The following ACACB variants were observed in gnomAD, a reference collection of about 807,000 sequenced individuals.
ACACB encodes acetyl-CoA carboxylase beta.
Under a neutral mutation model 278.8 loss-of-function variants are expected in ACACB, and 209 were observed. That is an observed-to-expected ratio of 0.75 (90% CI 0.67 to 0.84). The LOEUF is 0.84. ACACB is among the 40% of genes least tolerant of loss of function. ACACB has a pLI of 0.00. For synonymous variants in ACACB, 1,174 were observed against 1,285.6 expected, an observed-to-expected ratio of 0.91 and a Z score of 1.86; for missense variants, 2,850 against 3,269.0, an observed-to-expected ratio of 0.87 and a Z score of 3.13.
At chr12:109,214,129 G>A (rs1225565160) in intron 22 of ACACB, among the ~76,000 whole-genome samples, 3 of 152,028 alleles carry the variant, frequency 2.0e-5, no homozygotes, top group East Asian at 1.9e-4. Context: ...GGGGATGGTG[G>A]TGTGTACCTA....
Position 109,185,641 on chromosome 12 carries a change from A to G in ACACB, c.1881A>G (p.Pro627=), listed in dbSNP as rs1258772566. 1.9e-6 allele frequency: 3 copies of G among 1,613,850 alleles called. No homozygotes were observed. Among genetic ancestry groups the G allele is most frequent in the African/African-American group, 1.3e-5 (1 of 75,000 alleles). ...TCCGGCTTCTGTATGGAGAGTCACC[A>G]TGGGGAGTGACTCCCATTTCTTTTG... The part of the protein sequence containing the change: ...KDIRLLYGES[P]WGVTPISFET... The change falls in exon 12 of 53, where the codon CCA becomes CCG. Residue 627 remains proline (P), a synonymous_variant. Coordinates refer to ENST00000338432, the MANE Select transcript of ACACB (RefSeq NM_001093.4).
chr12:109,209,464 T>A, intron 21 of ACACB, 111 bp downstream of exon 21: 1 of 1,128,608 alleles, frequency 8.9e-7, no homozygotes, highest in Non-Finnish European at 1.2e-6. Context: ...GAGACCCACT[T>A]ATAGCCTAAC....
intron 22 of ACACB, among the ~76,000 whole-genome samples, chr12:109,213,886 C>A (rs977325929): frequency 1.3e-5 from 2 of 152,072 alleles, no homozygotes; most frequent in Non-Finnish European, 2.9e-5. Flanking sequence ...AGGTGTGAGC[C>A]ACTGCACCCG....
intron 31 of ACACB, among the ~76,000 whole-genome samples, chr12:109,234,306 G>A (rs76068003): frequency 0.013 from 1,988 of 152,236 alleles, 54 homozygotes; most frequent in African/African-American, 0.046. Context: ...TCCCAGGTAC[G>A]GAGGGCACAC....
chr12:109,202,935 T>C (rs767599093), intron 19 of ACACB, among the ~76,000 whole-genome samples: 10 of 152,174 alleles, frequency 6.6e-5, no homozygotes, highest in Admixed American at 2.0e-4. Flanking sequence ...TCCATTCACA[T>C]TGTTGCACAG....
At chr12:109,176,063 C>T (rs373789024) in intron 8 of ACACB, 23 bp downstream of exon 8, 3 of 1,611,962 alleles carry the variant, frequency 1.9e-6, no homozygotes, top group Non-Finnish European at 2.5e-6. Context: ...CCTGTGGGGG[C>T]CAGGGGAGCC....
intron 1 of ACACB, among the ~76,000 whole-genome samples, chr12:109,125,038 C>T (rs879521949): frequency 6.6e-6 from 1 of 152,100 alleles, no homozygotes; most frequent in Non-Finnish European, 1.5e-5. Flanking sequence ...CTCTACCACA[C>T]GACTTTCCTC....
intron 22 of ACACB, among the ~76,000 whole-genome samples, chr12:109,214,719 T>C (rs2045943533): frequency 6.6e-6 from 1 of 151,998 alleles, no homozygotes; most frequent in Non-Finnish European, 1.5e-5. Context: ...AAGCGTCTAC[T>C]TCCCCACAAC....
intron 19 of ACACB, among the ~76,000 whole-genome samples, chr12:109,205,591 A>G (rs985118264): frequency 7.9e-5 from 12 of 151,952 alleles, no homozygotes; most frequent in African/African-American, 2.7e-4. Flanking sequence ...CTCGGATTAC[A>G]GGCACGCGCC....
At position 109,237,153 on chromosome 12, in the gene ACACB, G is replaced by T. The variant is rs759702412; in HGVS notation, c.4447-12G>T. ...TGTATGTGTCTGTCTTCTCTCTCTG[G>T]TCCGCCTACAGTTTGCAGAAGATCG... On this transcript the variant is annotated splice_polypyrimidine_tract_variant and intron_variant, in intron 33 of 52. Coordinates refer to ENST00000338432, the MANE Select transcript of ACACB (RefSeq NM_001093.4). 15 of 1,613,844 alleles carry T rather than the reference G, an allele frequency of 9.3e-6. No individual in the cohort carries two copies. The highest frequency in any genetic ancestry group is 1.3e-5 in the Non-Finnish European group (15 of 1,179,922).
At chr12:109,180,182 G>A (rs533290652) in intron 11 of ACACB, 95 bp downstream of exon 11, 33 of 1,329,980 alleles carry the variant, frequency 2.5e-5, no homozygotes, top group African/African-American at 2.9e-5. Flanking sequence ...TCTCTTGGCC[G>A]ACTGTCCCAG....
intron 1 of ACACB, among the ~76,000 whole-genome samples, chr12:109,126,690 C>T (rs1343792398): frequency 6.6e-6 from 1 of 150,920 alleles, no homozygotes; most frequent in Non-Finnish European, 1.5e-5. Context: ...TCTCTACACA[C>T]ACAAAAAAAA....
intron 2 of ACACB, among the ~76,000 whole-genome samples, chr12:109,149,253 A>G (rs750674941): frequency 2.6e-5 from 4 of 152,112 alleles, no homozygotes; most frequent in Non-Finnish European, 5.9e-5. Context: ...ATTAGTGGGA[A>G]GGGTTGGGAG....
At chr12:109,253,190 G>A (rs1160717562) in intron 43 of ACACB, 32 bp downstream of exon 43, 1 of 1,513,894 alleles carries the variant, frequency 6.6e-7, no homozygotes, top group Non-Finnish European at 8.9e-7. Context: ...TTAGAACCTG[G>A]AAGACTCTTA....
chr12:109,201,477 G>A (rs1385830801), intron 18 of ACACB, 90 bp from the exon 19 acceptor site: 12 of 1,516,630 alleles, frequency 7.9e-6, no homozygotes, highest in Middle Eastern at 1.7e-4. Flanking sequence ...TAGTGTCCCG[G>A]CGCGTCCCTG....
At chr12:109,150,982 C>CTTTT (rs201382181) in intron 2 of ACACB, among the ~76,000 whole-genome samples, 12 of 137,330 alleles carry the variant, frequency 8.7e-5, no homozygotes, top group East Asian at 6.3e-4. Context: ...TTTTTTCTTT[C>CTTTT]TTTTTTTTTT....
rs757072944 is a variant in ACACB at position 109,176,257 on chromosome 12, C to A, written c.1431C>A (p.Phe477Leu). 2 of 1,613,940 alleles carry A rather than the reference C, an allele frequency of 1.2e-6. No homozygotes were observed. The highest frequency in any genetic ancestry group is 2.7e-5 in the African/African-American group (2 of 75,044). ...GTGCGGAGGACTTCCCGATCCTTTT[C>A]AGACAAGTGAGCAGTTCTTGCTGTG... Reference protein sequence around the residue: ...AESAEDFPILFRQVQSEIPGS... With the variant: ...AESAEDFPILLRQVQSEIPGS... The change falls in exon 9 of 53, where the codon TTC becomes TTA. Residue 477 changes from phenylalanine (F) to leucine (L), a missense_variant. This residue lies in a region of ACACB where 2,265 missense variants were observed against 2,561.3 expected (regional missense o/e 0.88). Coordinates refer to ENST00000338432, the MANE Select transcript of ACACB (RefSeq NM_001093.4).
At chr12:109,203,887 T>G (rs972735956) in intron 19 of ACACB, among the ~76,000 whole-genome samples, 1 of 152,160 alleles carries the variant, frequency 6.6e-6, no homozygotes, top group Non-Finnish European at 1.5e-5. Flanking sequence ...TAACAAGTCT[T>G]GATGAATGAA....
intron 37 of ACACB, among the ~76,000 whole-genome samples, chr12:109,244,717 C>CGAA (rs1468286084): frequency 3.9e-5 from 6 of 152,062 alleles, no homozygotes; most frequent in Non-Finnish European, 7.4e-5. Flanking sequence ...CTCAGCCTCC[C>CGAA]GAAGTGTTTG....
Sources: gnomAD v4.1 joint callset for allele counts (sites outside exome capture counted in the v4.1 genomes callset) on GRCh38, gnomAD v4.1.1 for gene constraint, gnomAD v4.1.1 regional missense constraint, MANE v1.5 for transcripts, NCBI Gene and HGNC (gene_info 2026-07-23, HGNC 2026-07-21) for gene names.